The following TET1 variants were observed in gnomAD, a reference collection of about 807,000 sequenced individuals.
TET1 encodes the protein tet methylcytosine dioxygenase 1.
TET1 carries 13 observed loss-of-function variants against 148.7 expected under a neutral mutation model. The ratio of observed to expected loss-of-function variants is 0.09; its 90% CI spans 0.06 to 0.14. The LOEUF (loss-of-function observed/expected upper bound fraction) is 0.14. Among genes scored for constraint, TET1 ranks in the 10% least tolerant of loss-of-function variants. The pLI, the probability that TET1 is intolerant of heterozygous loss-of-function variation, is 1.00. For missense variants in TET1, 2,182 were observed against 2,553.8 expected, an observed-to-expected ratio of 0.85 and a Z score of 3.14; for synonymous variants, 907 against 937.2, an observed-to-expected ratio of 0.97 and a Z score of 0.59.
In TET1 at chr10:68,641,665, ATT is replaced by A. The variant is rs57618457; in HGVS notation, c.1969-3024_1969-3023del. 7.0e-3 allele frequency among the ~76,000 whole-genome samples: 1,052 copies of A among 151,344 alleles called. 10 individuals carry two copies. Among genetic ancestry groups the A allele is most frequent in the African/African-American group, 0.024 (1,002 of 41,246 alleles). ...AGGCGTACGCCACCCTGCCCGGCTAATTTTTTTTTTGTATTTTGGTAGAGACA... is the reference window on the plus strand; with the variant it reads ...AGGCGTACGCCACCCTGCCCGGCTAATTTTTTTTGTATTTTGGTAGAGACA... On this transcript the variant is annotated intron_variant, in intron 3 of 11. Transcript: ENST00000373644.
intron 3 of TET1, among the ~76,000 whole-genome samples, chr10:68,642,573 C>G (rs1486213146): frequency 1.3e-5 from 2 of 151,980 alleles, no homozygotes; most frequent in African/African-American, 4.8e-5. Context: ...TACAACAGTA[C>G]AAATAAACTA....
intron 2 of TET1, among the ~76,000 whole-genome samples, chr10:68,577,821 C>CA (rs1217855996): frequency 6.6e-6 from 1 of 151,874 alleles, no homozygotes; most frequent in East Asian, 1.9e-4. Context: ...AAACAAGAAA[C>CA]AAAAAAACAT....
intron 3 of TET1, among the ~76,000 whole-genome samples, chr10:68,642,159 A>G (rs1477248680): frequency 1.3e-5 from 2 of 152,202 alleles, no homozygotes; most frequent in African/African-American, 2.4e-5. Context: ...AAGGTTTTAC[A>G]AAATTAGTCT....
intron 2 of TET1, among the ~76,000 whole-genome samples, chr10:68,595,139 T>G: frequency 6.9e-6 from 1 of 145,180 alleles, no homozygotes. Flanking sequence ...GGGAAGAGAG[T>G]GAGACCCTAT....
At chr10:68,592,712 C>G (rs1217518581) in intron 2 of TET1, among the ~76,000 whole-genome samples, 1 of 152,138 alleles carries the variant, frequency 6.6e-6, no homozygotes, top group African/African-American at 2.4e-5. Context: ...TCTTCTCTCC[C>G]TCTATATCTT....
In TET1 at chr10:68,651,383, G is replaced by A. The variant is rs556004144; in HGVS notation, c.4277-463G>A. On this transcript the variant is annotated intron_variant, in intron 4 of 11. Transcript: ENST00000373644. ...GCAGAATGGTGTGAACCCGGGAGGC[G>A]GAGCTTGCAGTGAGCCGAGATCGCG... Among the ~76,000 whole-genome samples, 10 of 152,046 alleles carry A rather than the reference G, an allele frequency of 6.6e-5. No individual in the cohort carries two copies. The East Asian group carries it at 9.7e-4, about 15-fold the overall frequency.
intron 3 of TET1, among the ~76,000 whole-genome samples, chr10:68,639,614 G>A (rs767167741): frequency 6.6e-6 from 1 of 151,958 alleles, no homozygotes; most frequent in Admixed American, 6.6e-5. Flanking sequence ...GACTATAGGC[G>A]TGCACCACCA....
At chr10:68,609,940 A>C (rs1222096569) in intron 3 of TET1, among the ~76,000 whole-genome samples, 1 of 151,734 alleles carries the variant, frequency 6.6e-6, no homozygotes, top group African/African-American at 2.4e-5. Context: ...CTGAGCTCAG[A>C]AGTTTGAGAC....
chr10:68,580,313 A>ATTTTTTTTTTTTTT (rs1163318028), intron 2 of TET1, among the ~76,000 whole-genome samples: 1 of 60,436 alleles, frequency 1.7e-5, no homozygotes, highest in Non-Finnish European at 2.9e-5. Context: ...ATTATATTCA[A>ATTTTTTTTTTTTTT]TTTTTTTTTT....
In TET1 at chr10:68,572,901, C is replaced by T. The variant is rs2053686883; in HGVS notation, c.563C>T (p.Thr188Ile). 6.2e-7 allele frequency: 1 copy of T among 1,614,038 alleles called. No individual in the cohort carries two copies. The highest frequency in any genetic ancestry group is 1.3e-5 in the African/African-American group (1 of 74,908). Residue 188 changes from threonine (T) to isoleucine (I), a missense_variant, in exon 2 of 12, where the codon ACA becomes ATA. Physicochemically the swap from Thr to Ile is moderately conservative, Grantham distance 89. Around this residue, in one of 11 missense-constraint regions of TET1, gnomAD observed 665 missense variants for 672.4 expected, o/e 0.99. Transcript: ENST00000373644. ...TTACTTAAAGGTAAGAGCCAAGAGACAACTCAGTTTTGGTCCCAAAGAGTT... is the reference window on the plus strand; with the variant it reads ...TTACTTAAAGGTAAGAGCCAAGAGATAACTCAGTTTTGGTCCCAAAGAGTT... ...PSLLKGKSQETTQFWSQRVED... is the reference protein window; with the variant it reads ...PSLLKGKSQEITQFWSQRVED...
At chr10:68,622,997 G>T (rs1306189355) in intron 3 of TET1, among the ~76,000 whole-genome samples, 1 of 152,060 alleles carries the variant, frequency 6.6e-6, no homozygotes, top group African/African-American at 2.4e-5. Flanking sequence ...CACATTATCT[G>T]GGTTAACTTT....
Position 68,645,494 on chromosome 10 carries a change from G to T in TET1, c.2765G>T (p.Arg922Ile). The change falls in exon 4 of 12, where the codon AGA becomes ATA. Residue 922 changes from arginine to isoleucine, a missense_variant. Transcript: ENST00000373644. The part of the protein sequence containing the change: ...KSEKDEESEQ[R>I]TASLLNSCKA... Reference sequence around the variant, plus strand: ...GAGAAGGATGAGGAATCAGAGCAGAGAACAGCCAGTTTGCTTAATAGCTGC... The same window carrying T: ...GAGAAGGATGAGGAATCAGAGCAGATAACAGCCAGTTTGCTTAATAGCTGC... The T allele has an allele frequency of 6.2e-7, 1 of 1,613,910 alleles. No individual in the cohort carries two copies. The highest frequency in any genetic ancestry group is 1.3e-5 in the African/African-American group (1 of 75,052).
At chr10:68,656,114 G>T (rs2055017008) in intron 6 of TET1, among the ~76,000 whole-genome samples, 1 of 152,108 alleles carries the variant, frequency 6.6e-6, no homozygotes, top group African/African-American at 2.4e-5. Flanking sequence ...AGGAAAACAA[G>T]CTCAGGGCTC....
At position 68,639,070 on chromosome 10, in the gene TET1, C is replaced by G. The variant is rs554418804; in HGVS notation, c.1969-5628C>G. On this transcript the variant is annotated intron_variant, in intron 3 of 11. Transcript: ENST00000373644. ...TTTTTAAAAGTGATATGAAATATAA[C>G]TAATAAAAAAGTTCAAGGGTTCTTA... 4.0e-5 allele frequency among the ~76,000 whole-genome samples: 5 copies of G among 125,244 alleles called. No individual in the cohort carries two copies. In the South Asian group the frequency reaches 7.6e-4, roughly 19 times the overall value. 82.2% of individuals were successfully genotyped at this position (125,244 alleles called of 152,430 possible). A position where few individuals can be genotyped will look rare whatever the true frequency, so the allele number is the denominator to read the frequency against.
chr10:68,603,414 A>G (rs979634146), intron 3 of TET1, among the ~76,000 whole-genome samples: 2 of 152,154 alleles, frequency 1.3e-5, no homozygotes, highest in African/African-American at 4.8e-5. Flanking sequence ...CCTGATAACT[A>G]TTGAATCCAG....
intron 3 of TET1, among the ~76,000 whole-genome samples, chr10:68,621,719 T>C (rs534306950): frequency 3.7e-4 from 56 of 152,230 alleles, no homozygotes; most frequent in Non-Finnish European, 6.6e-4. Context: ...AGTGAGACTT[T>C]AATAAAATCA....
At chr10:68,650,421 T>A (rs2133108684) in intron 4 of TET1, among the ~76,000 whole-genome samples, 1 of 151,894 alleles carries the variant, frequency 6.6e-6, no homozygotes, top group East Asian at 1.9e-4. Flanking sequence ...GGCGGGTGGG[T>A]CACCTGAGGT....
intron 8 of TET1, among the ~76,000 whole-genome samples, chr10:68,680,044 G>T (rs2055415654): frequency 6.7e-6 from 1 of 149,928 alleles, no homozygotes; most frequent in African/African-American, 2.4e-5. Context: ...TCTATGAATG[G>T]ATCCTATGGA....
At chr10:68,630,180 C>A (rs1290416234) in intron 3 of TET1, among the ~76,000 whole-genome samples, 1 of 152,164 alleles carries the variant, frequency 6.6e-6, no homozygotes, top group African/African-American at 2.4e-5. Flanking sequence ...CTCTGCTGAA[C>A]TTGGTGGCTG....
Sources: allele counts gnomAD v4.1 joint callset (sites outside exome capture counted in the v4.1 genomes callset), GRCh38; gene constraint gnomAD v4.1.1; regional missense constraint gnomAD v4.1.1; transcripts MANE v1.5; gene names NCBI Gene and HGNC (gene_info 2026-07-23, HGNC 2026-07-21).